CD99L2: variants seen among roughly 807,000 people sequenced by gnomAD.
CD99L2 encodes the protein CD99 antigen-like protein 2.
CD99L2 carries 24 observed loss-of-function variants against 27.3 expected under a neutral mutation model. The observed-to-expected ratio is 0.88, with a 90% CI of 0.64 to 1.24. The LOEUF (loss-of-function observed/expected upper bound fraction) is 1.24, where lower values mean the gene tolerates loss of function less well. CD99L2 is among the 50% of genes most tolerant of loss of function. CD99L2 has a pLI of 0.00. For missense variants in CD99L2, 255 were observed against 221.6 expected (o/e 1.15, Z -0.96); for synonymous variants, 97 against 87.9 (o/e 1.10, Z -0.58).
At chrX:150,782,202 T>C (rs782426332) in intron 7 of CD99L2, among the ~76,000 whole-genome samples, 1 of 112,563 alleles carries the variant, frequency 8.9e-6, no homozygotes, top group South Asian at 3.7e-4. Context: ...ATTTTCATTA[T>C]CTAAAAAAAT....
At chrX:150,787,115 G>T (rs896981719) in intron 7 of CD99L2, among the ~76,000 whole-genome samples, 3 of 112,144 alleles carry the variant, frequency 2.7e-5, no homozygotes, top group Non-Finnish European at 5.6e-5. Flanking sequence ...CTGGATATTA[G>T]ACCTTTGTTG....
chrX:150,874,230 T>G (rs1242384633), intron 1 of CD99L2, among the ~76,000 whole-genome samples: 1 of 111,202 alleles, frequency 9.0e-6, no homozygotes, highest in Non-Finnish European at 1.9e-5. Context: ...TTTTAGGGAG[T>G]AGGTAGCATT....
chrX:150,785,863 C>T (rs373419195), intron 7 of CD99L2, among the ~76,000 whole-genome samples: 3 of 112,256 alleles, frequency 2.7e-5, no homozygotes, highest in African/African-American at 9.7e-5. Flanking sequence ...CACAGTTTGT[C>T]GATCAATTCT....
chrX:150,859,229 G>A (rs1298689086), intron 1 of CD99L2, among the ~76,000 whole-genome samples: 2 of 111,685 alleles, frequency 1.8e-5, no homozygotes, highest in Non-Finnish European at 3.8e-5. Flanking sequence ...AGCCAGGTGC[G>A]GTGGCTCACG....
At chrX:150,867,491 C>T (rs1193244032) in intron 1 of CD99L2, among the ~76,000 whole-genome samples, 4 of 110,651 alleles carry the variant, frequency 3.6e-5, no homozygotes, top group Non-Finnish European at 7.6e-5. Context: ...GGGCCAGGTG[C>T]GGTGGCTCAC....
At chrX:150,774,327 G>A (rs148761724) in intron 9 of CD99L2, among the ~76,000 whole-genome samples, 1,265 of 111,366 alleles carry the variant, frequency 0.011, 23 homozygotes, top group African/African-American at 0.039. Context: ...TCCTCTCCTG[G>A]CAAGCGGGAT....
intron 1 of CD99L2, among the ~76,000 whole-genome samples, chrX:150,897,443 A>C (rs1209935671): frequency 8.9e-6 from 1 of 112,247 alleles, no homozygotes; most frequent in Non-Finnish European, 1.9e-5. Context: ...TCTTTTGCAA[A>C]AGTGGCTTGG....
chrX:150,851,919 C>T (rs1343371968), intron 1 of CD99L2, among the ~76,000 whole-genome samples: 2 of 112,047 alleles, frequency 1.8e-5, no homozygotes, highest in Admixed American at 9.5e-5. Context: ...TTGAAAGTCC[C>T]GTTTGCCATG....
intron 10 of CD99L2, among the ~76,000 whole-genome samples, chrX:150,769,678 T>TGTG (rs2043389355): frequency 1.1e-5 from 1 of 89,106 alleles, no homozygotes; most frequent in Admixed American, 1.5e-4. Flanking sequence ...TCTCCCTGCC[T>TGTG]GCGCCACCAG....
At chrX:150,824,634 A>G (rs1056206030) in intron 2 of CD99L2, among the ~76,000 whole-genome samples, 28 of 89,962 alleles carry the variant, frequency 3.1e-4, no homozygotes, top group African/African-American at 1.2e-3. Context: ...GGAGGAGAAG[A>G]AGGAGGAGAA....
rs575881225 is a variant in CD99L2, at chrX:150,780,662, T to C, written c.497-3180A>G. 7.4e-5 allele frequency among the ~76,000 whole-genome samples: 8 copies of C among 108,121 alleles called. No individual in the cohort carries two copies. In the South Asian group the frequency reaches 2.7e-3, roughly 37 times the overall value. 93.9% of individuals were successfully genotyped at this position (108,121 alleles called of 115,157 possible). On this transcript the variant is annotated intron_variant, in intron 7 of 10. Coordinates refer to ENST00000370377, the MANE Select transcript of CD99L2 (RefSeq NM_031462.4). Reference sequence around the variant, plus strand: ...GAAAATATGCAGAAATATGCAGAAATGAGAAAATATGCAGACCCCAGTAAA... The same window carrying C: ...GAAAATATGCAGAAATATGCAGAAACGAGAAAATATGCAGACCCCAGTAAA...
chrX:150,803,894 T>A (rs1237741969), intron 4 of CD99L2, among the ~76,000 whole-genome samples: 2 of 112,160 alleles, frequency 1.8e-5, no homozygotes, highest in Non-Finnish European at 3.8e-5. Context: ...CCACGTTTCA[T>A]AAAAAGAAAA....
At chrX:150,882,182 T>G (rs987214684) in intron 1 of CD99L2, among the ~76,000 whole-genome samples, 28 of 110,910 alleles carry the variant, frequency 2.5e-4, no homozygotes, top group Admixed American at 6.7e-4. Flanking sequence ...TGTTTCCTCC[T>G]CCAGGGAAAA....
At chrX:150,895,853 C>CT (rs1281926073) in intron 1 of CD99L2, among the ~76,000 whole-genome samples, 1 of 109,042 alleles carries the variant, frequency 9.2e-6, no homozygotes, top group Non-Finnish European at 1.9e-5. Context: ...TGGTGAAACT[C>CT]TGTCTGTACT....
At chrX:150,818,160 T>G (rs1452701587) in intron 2 of CD99L2, among the ~76,000 whole-genome samples, 1 of 98,040 alleles carries the variant, frequency 1.0e-5, no homozygotes, top group Non-Finnish European at 2.0e-5. Flanking sequence ...AGTTGGAAAT[T>G]TCAATATCTT....
intron 8 of CD99L2, chrX:150,776,892 A>G (rs1048146977): frequency 8.3e-6 from 1 of 120,652 alleles, no homozygotes; most frequent in Admixed American, 9.0e-5. Context: ...GACATGAGAC[A>G]TCAATCAATA....
chrX:150,804,894 T>C (rs782793821), intron 4 of CD99L2, among the ~76,000 whole-genome samples: 1 of 108,891 alleles, frequency 9.2e-6, no homozygotes, highest in East Asian at 3.0e-4. Flanking sequence ...CAAGAAGAAA[T>C]AGAAAATCTG....
chrX:150,885,547 C>T (rs1557422608), intron 1 of CD99L2, among the ~76,000 whole-genome samples: 2 of 112,224 alleles, frequency 1.8e-5, no homozygotes, highest in Non-Finnish European at 3.8e-5. Flanking sequence ...TTCTAACATG[C>T]TAACAGTGGT....
At chrX:150,791,984 A>C (rs1233586710) in intron 7 of CD99L2, among the ~76,000 whole-genome samples, 3 of 112,136 alleles carry the variant, frequency 2.7e-5, no homozygotes, top group African/African-American at 9.7e-5. Context: ...TTTCATGCTG[A>C]AGATCATAAT....
Sources: allele counts gnomAD v4.1 joint callset (sites outside exome capture counted in the v4.1 genomes callset), GRCh38; gene constraint gnomAD v4.1.1; transcripts MANE v1.5; gene names NCBI Gene and HGNC (gene_info 2026-07-23, HGNC 2026-07-21).